Variants in PPP6R2 observed in about 807,000 individuals in gnomAD.
The protein encoded by PPP6R2 is protein phosphatase 6 regulatory subunit 2, also known as serine/threonine-protein phosphatase 6 regulatory subunit 2.
A neutral mutation model predicts 100.2 loss-of-function variants in PPP6R2; 62 were observed. That is an observed-to-expected ratio of 0.62 (90% CI 0.50 to 0.76). PPP6R2 has a LOEUF of 0.76. PPP6R2 is among the 30% of genes least tolerant of loss of function. PPP6R2 has a pLI of 0.00. For missense variants in PPP6R2, 1,142 were observed against 1,276.3 expected (o/e 0.89, Z 1.60); for synonymous variants, 525 against 514.7 (o/e 1.02, Z -0.27).
rs780869092 is a variant in PPP6R2, at chr22:50,435,118, G to A, written c.1516+37G>A. ...ACCCGGTCATCCTTCTGCTGGTCGCGGGCACCGGGACCCCGAAGGAGCTGC... is the reference window on the plus strand; with the variant it reads ...ACCCGGTCATCCTTCTGCTGGTCGCAGGCACCGGGACCCCGAAGGAGCTGC... On this transcript the variant is annotated intron_variant, in intron 13 of 23. Coordinates refer to ENST00000612753, the MANE Select transcript of PPP6R2 (RefSeq NM_001242898.2). The A allele has an allele frequency of 6.0e-5, 87 of 1,454,824 alleles. No individual in the cohort carries two copies. In the African/African-American group the frequency reaches 1.0e-3, roughly 17 times the overall value. The allele number at this position is 1,454,824 out of a possible 1,614,324, so 90.1% of individuals were successfully genotyped here.
intron 2 of PPP6R2, among the ~76,000 whole-genome samples, chr22:50,382,108 G>A (rs1373928334): frequency 6.6e-6 from 1 of 152,018 alleles, no homozygotes. Flanking sequence ...TACCACTTGA[G>A]AATAGTGATG....
At chr22:50,360,526 C>A (rs1210514268) in intron 1 of PPP6R2, among the ~76,000 whole-genome samples, 1 of 151,934 alleles carries the variant, frequency 6.6e-6, no homozygotes, top group Non-Finnish European at 1.5e-5. Context: ...CCACACCTGG[C>A]TAATTTAAAA....
intron 10 of PPP6R2, among the ~76,000 whole-genome samples, chr22:50,427,691 T>C (rs946796590): frequency 1.3e-5 from 2 of 151,690 alleles, no homozygotes; most frequent in Non-Finnish European, 2.9e-5. Flanking sequence ...TACCTGGGAT[T>C]ACAGGTGCCC....
intron 4 of PPP6R2, among the ~76,000 whole-genome samples, chr22:50,409,606 T>C (rs1174456759): frequency 6.6e-6 from 1 of 152,168 alleles, no homozygotes; most frequent in East Asian, 1.9e-4. Context: ...TTTTGTATTT[T>C]TAGTAGAGAC....
intron 12 of PPP6R2, among the ~76,000 whole-genome samples, chr22:50,434,600 G>T (rs2063789178): frequency 2.9e-5 from 3 of 104,298 alleles, no homozygotes; most frequent in Admixed American, 1.9e-4. Flanking sequence ...CGGGGGCATG[G>T]ATGCTGGGCA....
At position 50,440,828 on chromosome 22, in the gene PPP6R2, C is replaced by T. The variant is rs181944432; in HGVS notation, c.2381C>T (p.Pro794Leu). 142 of 1,613,324 alleles carry T rather than the reference C, an allele frequency of 8.8e-5. No individual in the cohort carries two copies. Among genetic ancestry groups the T allele is most frequent in the Non-Finnish European group, 1.2e-4 (137 of 1,179,998 alleles). The change falls in exon 22 of 24, where the codon CCG becomes CTG. Residue 794 changes from proline (P) to leucine (L), a missense_variant. By Grantham distance (98) the Pro-to-Leu change is moderately conservative (BLOSUM62 -3). Coordinates refer to ENST00000612753, the MANE Select transcript of PPP6R2 (RefSeq NM_001242898.2). ...RSQGPEKAFS[P>L]ASPCAWNVCV... ...CAGGCCTCCTACTTTGCAGTCAGCCCGGCTTCTCCATGTGCCTGGAACGTG... is the reference window on the plus strand; with the variant it reads ...CAGGCCTCCTACTTTGCAGTCAGCCTGGCTTCTCCATGTGCCTGGAACGTG...
intron 2 of PPP6R2, among the ~76,000 whole-genome samples, chr22:50,373,573 A>G (rs2050781239): frequency 6.6e-6 from 1 of 150,870 alleles, no homozygotes; most frequent in African/African-American, 2.4e-5. Context: ...TTTTTTCAAG[A>G]CAAGGTCTCA....
At chr22:50,353,790 C>T (rs1485716006) in intron 1 of PPP6R2, among the ~76,000 whole-genome samples, 2 of 149,392 alleles carry the variant, frequency 1.3e-5, no homozygotes, top group Non-Finnish European at 3.0e-5. Context: ...ATTTGTACCC[C>T]AGGTAGTGTG....
chr22:50,343,205 A>C (rs1372373046), upstream of PPP6R2: 22 of 151,362 alleles, frequency 1.5e-4, no homozygotes, highest in Admixed American at 1.5e-3. Flanking sequence ...GCCCCACTCC[A>C]GGGGGCCCGG....
intron 4 of PPP6R2, among the ~76,000 whole-genome samples, chr22:50,411,615 G>A (rs937004812): frequency 4.6e-5 from 7 of 151,968 alleles, no homozygotes; most frequent in Admixed American, 6.6e-5. Context: ...TTAGCTGGGC[G>A]TGGTGGCCGG....
chr22:50,427,186 C>T (rs1275564299), intron 10 of PPP6R2, among the ~76,000 whole-genome samples: 1 of 132,826 alleles, frequency 7.5e-6, no homozygotes, highest in Non-Finnish European at 1.5e-5. Context: ...GAGATTCCAT[C>T]TCAAAAAAAA....
intron 1 of PPP6R2, among the ~76,000 whole-genome samples, chr22:50,351,798 T>A (rs1357161090): frequency 1.3e-5 from 2 of 151,832 alleles, no homozygotes; most frequent in African/African-American, 4.8e-5. Flanking sequence ...CATACCCAGC[T>A]AATTTTTTTT....
intron 12 of PPP6R2, 67 bp downstream of exon 12, chr22:50,432,396 C>T (rs760588947): frequency 1.1e-5 from 15 of 1,412,668 alleles, no homozygotes; most frequent in Non-Finnish European, 1.3e-5. Context: ...GCACCTCACC[C>T]AAGCCCTGGT....
At chr22:50,420,070 C>T (rs566589658) in intron 8 of PPP6R2, among the ~76,000 whole-genome samples, 1 of 152,328 alleles carries the variant, frequency 6.6e-6, no homozygotes, top group East Asian at 1.9e-4. Context: ...GAGACACAGC[C>T]CCTCCCCTTT....
intron 2 of PPP6R2, among the ~76,000 whole-genome samples, chr22:50,374,911 C>CAAAAAAAAAAAA (rs60035779): frequency 6.2e-5 from 5 of 80,982 alleles, no homozygotes; most frequent in Admixed American, 1.5e-4. Context: ...GACTCTGTCT[C>CAAAAAAAAAAAA]AAAAAAAAAA....
At chr22:50,438,880 G>A (rs528313226) in intron 19 of PPP6R2, 118 bp downstream of exon 19, 92 of 1,080,200 alleles carry the variant, frequency 8.5e-5, no homozygotes, top group Admixed American at 1.4e-4. Context: ...ACTGTGGCCC[G>A]GAGCCTGAAT....
chr22:50,434,824 G>T, intron 12 of PPP6R2, 142 bp from the exon 13 acceptor site: 1 of 668,404 alleles, frequency 1.5e-6, no homozygotes. Flanking sequence ...CTGGAGGAGG[G>T]CCGGGGGCGC....
chr22:50,420,428 C>T (rs1254061481), intron 8 of PPP6R2, among the ~76,000 whole-genome samples: 1 of 152,160 alleles, frequency 6.6e-6, no homozygotes, highest in Non-Finnish European at 1.5e-5. Flanking sequence ...AGTGAATGGG[C>T]AGAGACAGAG....
chr22:50,438,051 G>A (rs1253810752), intron 17 of PPP6R2, 123 bp from the exon 18 acceptor site: 22 of 1,497,102 alleles, frequency 1.5e-5, no homozygotes, highest in Admixed American at 2.0e-5. Context: ...GCCCCTCCCC[G>A]TCCTCCCCTC....
Sources: allele counts gnomAD v4.1 joint callset (sites outside exome capture counted in the v4.1 genomes callset), GRCh38; gene constraint gnomAD v4.1.1; transcripts MANE v1.5; gene names NCBI Gene and HGNC (gene_info 2026-07-23, HGNC 2026-07-21).